Variants in ANO10 observed in about 807,000 individuals in gnomAD.
ANO10 encodes anoctamin 10, also known as anoctamin-10.
Under a neutral mutation model 74.7 loss-of-function variants are expected in ANO10, and 77 were observed. The ratio of observed to expected loss-of-function variants is 1.03; its 90% CI spans 0.86 to 1.25. The LOEUF (loss-of-function observed/expected upper bound fraction) is 1.25, where lower values mean the gene tolerates loss of function less well. Among genes scored for constraint, ANO10 ranks in the 50% most tolerant of loss-of-function variants. The pLI, the probability that ANO10 is intolerant of heterozygous loss-of-function variation, is 0.00. For missense variants in ANO10, 721 were observed against 778.1 expected (o/e 0.93, Z 0.87); for synonymous variants, 279 against 284.9 (o/e 0.98, Z 0.21).
At chr3:43,610,943 A>G (rs899902775) in intron 1 of ANO10, among the ~76,000 whole-genome samples, 2 of 152,190 alleles carry the variant, frequency 1.3e-5, no homozygotes, top group Non-Finnish European at 2.9e-5. Flanking sequence ...TAACTTCAGG[A>G]GAGTATCAAG....
chr3:43,447,238 C>T (rs754506124), intron 11 of ANO10, among the ~76,000 whole-genome samples: 1 of 152,138 alleles, frequency 6.6e-6, no homozygotes, highest in East Asian at 1.9e-4. Context: ...CAGAACTGCT[C>T]GGTCAAAGGA....
chr3:43,393,496 T>C (rs2092317414), intron 12 of ANO10, among the ~76,000 whole-genome samples: 1 of 152,116 alleles, frequency 6.6e-6, no homozygotes, highest in Non-Finnish European at 1.5e-5. Flanking sequence ...TAAACATAAA[T>C]CTAAAGATGA....
chr3:43,483,244 TA>T (rs1170299294), intron 11 of ANO10, among the ~76,000 whole-genome samples: 1 of 152,114 alleles, frequency 6.6e-6, no homozygotes, highest in Non-Finnish European at 1.5e-5. Context: ...CTAGCAAGAG[TA>T]AAAAAGATCT....
intron 1 of ANO10, among the ~76,000 whole-genome samples, chr3:43,648,379 C>T (rs2083748634): frequency 6.6e-6 from 1 of 151,998 alleles, no homozygotes; most frequent in South Asian, 2.1e-4. Flanking sequence ...CAGGGCGAGT[C>T]CATAGAGTAA....
intron 11 of ANO10, among the ~76,000 whole-genome samples, chr3:43,534,765 C>T (rs1347351355): frequency 6.6e-6 from 1 of 152,170 alleles, no homozygotes; most frequent in African/African-American, 2.4e-5. Context: ...ACTGCTCCTG[C>T]TCAGTAGCTT....
intron 11 of ANO10, among the ~76,000 whole-genome samples, chr3:43,459,679 G>C (rs2075295241): frequency 6.6e-6 from 1 of 152,188 alleles, no homozygotes; most frequent in Admixed American, 6.5e-5. Context: ...CCTGTCTGGA[G>C]CTTCTGCTCA....
chr3:43,441,650 C>T (rs2093161551), intron 11 of ANO10, among the ~76,000 whole-genome samples: 1 of 152,126 alleles, frequency 6.6e-6, no homozygotes, highest in African/African-American at 2.4e-5. Flanking sequence ...TACTTCCAGA[C>T]TCATCTTATG....
At chr3:43,565,377 G>C (rs76109573) in intron 8 of ANO10, among the ~76,000 whole-genome samples, 1,681 of 152,186 alleles carry the variant, frequency 0.011, 29 homozygotes, top group African/African-American at 0.038. Context: ...CTATATTTTT[G>C]CTGTTAGAGT....
intron 11 of ANO10, among the ~76,000 whole-genome samples, chr3:43,439,040 T>A (rs571431265): frequency 6.6e-6 from 1 of 152,136 alleles, no homozygotes; most frequent in South Asian, 2.1e-4. Context: ...TTCAAGAAGC[T>A]GAAAGGTGAC....
chr3:43,435,625 C>T (rs569354098), intron 11 of ANO10, among the ~76,000 whole-genome samples: 2 of 152,252 alleles, frequency 1.3e-5, no homozygotes, highest in African/African-American at 4.8e-5. Flanking sequence ...TCATCAACTA[C>T]TTCCTAACCT....
intron 11 of ANO10, among the ~76,000 whole-genome samples, chr3:43,476,640 T>C (rs1251386407): frequency 1.3e-5 from 2 of 152,230 alleles, no homozygotes; most frequent in Non-Finnish European, 2.9e-5. Flanking sequence ...CTCCTTACTT[T>C]CCTTTTTCTT....
chr3:43,367,741 G>A (rs971135747), intron 12 of ANO10, among the ~76,000 whole-genome samples: 3 of 151,962 alleles, frequency 2.0e-5, no homozygotes, highest in African/African-American at 4.8e-5. Flanking sequence ...CAGTCACTTC[G>A]GTTTTATGGC....
At chr3:43,403,859 C>T (rs908370558) in intron 12 of ANO10, among the ~76,000 whole-genome samples, 4 of 151,926 alleles carry the variant, frequency 2.6e-5, no homozygotes, top group Non-Finnish European at 5.9e-5. Flanking sequence ...GTGGACACAC[C>T]CTAGGGTAAG....
intron 1 of ANO10, among the ~76,000 whole-genome samples, chr3:43,644,151 TA>T (rs2083703314): frequency 6.6e-6 from 1 of 152,178 alleles, no homozygotes; most frequent in Non-Finnish European, 1.5e-5. Context: ...CCCCAGGTTA[TA>T]AAGTAATTCA....
intron 1 of ANO10, chr3:43,638,691 C>T (rs542352642): frequency 2.4e-4 from 36 of 152,350 alleles, no homozygotes; most frequent in African/African-American, 8.7e-4. Context: ...TACAGCGAGA[C>T]AAGTCGTTGC....
intron 4 of ANO10, among the ~76,000 whole-genome samples, chr3:43,592,184 G>A (rs1226105595): frequency 6.6e-6 from 1 of 152,238 alleles, no homozygotes; most frequent in African/African-American, 2.4e-5. Flanking sequence ...GGGCATAGCT[G>A]AACAAAAGGC....
intron 1 of ANO10, among the ~76,000 whole-genome samples, chr3:43,615,932 T>G (rs549329843): frequency 6.6e-6 from 1 of 152,102 alleles, no homozygotes; most frequent in Non-Finnish European, 1.5e-5. Flanking sequence ...GGATTACAGG[T>G]GTGAGCCACC....
intron 1 of ANO10, among the ~76,000 whole-genome samples, chr3:43,674,655 C>T (rs2084099556): frequency 6.6e-6 from 1 of 152,134 alleles, no homozygotes; most frequent in Non-Finnish European, 1.5e-5. Flanking sequence ...TTCAGGAGTG[C>T]TCTTGCAATC....
At chr3:43,677,347 G>A (rs891124659) in intron 1 of ANO10, among the ~76,000 whole-genome samples, 1 of 152,196 alleles carries the variant, frequency 6.6e-6, no homozygotes, top group Admixed American at 6.5e-5. Context: ...TCAGGAGTTT[G>A]AGACCAGCCT....
Sources: gnomAD v4.1 joint callset for allele counts (sites outside exome capture counted in the v4.1 genomes callset) on GRCh38, gnomAD v4.1.1 for gene constraint, MANE v1.5 for transcripts, NCBI Gene and HGNC (gene_info 2026-07-23, HGNC 2026-07-21) for gene names.